CLINT1: variants seen among roughly 807,000 people sequenced by gnomAD.
CLINT1 encodes the protein clathrin interacting protein localized in the trans-Golgi region.
CLINT1 carries 15 observed loss-of-function variants against 70.4 expected under a neutral mutation model. The ratio of observed to expected loss-of-function variants is 0.21; its 90% CI spans 0.14 to 0.33. The LOEUF (loss-of-function observed/expected upper bound fraction) is 0.33, where lower values mean the gene tolerates loss of function less well. CLINT1 is among the 10% of genes least tolerant of loss of function. The pLI, the probability that CLINT1 is intolerant of heterozygous loss-of-function variation, is 1.00. For synonymous variants in CLINT1, 227 were observed against 254.7 expected (o/e 0.89, Z 1.04); for missense variants, 615 against 778.1 (o/e 0.79, Z 2.49).
At chr5:157,806,167 G>C in intron 6 of CLINT1, 55 bp from the exon 7 acceptor site, 1 of 1,558,586 alleles carries the variant, frequency 6.4e-7, no homozygotes, top group Non-Finnish European at 8.7e-7. Context: ...TTTAAAATGG[G>C]TCCCTCAGTG....
intron 1 of CLINT1, among the ~76,000 whole-genome samples, chr5:157,829,437 AAAATGTTT>A (rs1763149143): frequency 6.6e-6 from 1 of 152,338 alleles, no homozygotes; most frequent in African/African-American, 2.4e-5. Context: ...GAAGGTCTGA[AAAATGTTT>A]AAACAAGGGC....
chr5:157,787,811 C>T lies in CLINT1; in HGVS notation c.1713G>A (p.Met571Ile). 6.2e-7 allele frequency: 1 copy of T among 1,613,974 alleles called. No individual in the cohort carries two copies. Among genetic ancestry groups the T allele is most frequent in the South Asian group, 1.1e-5 (1 of 91,082 alleles). Reference sequence around the variant, plus strand: ...TCATGCCCATCATGCTCTGGTTCATCATCGGAGTATTTCCAAGAGGGGCCA... The same window carrying T: ...TCATGCCCATCATGCTCTGGTTCATTATCGGAGTATTTCCAAGAGGGGCCA... ...MGMAPLGNTP[M>I]MNQSMMGMNM... Residue 571 changes from methionine (M) to isoleucine (I), a missense_variant, in exon 12 of 12, where the codon ATG becomes ATA. Transcript: ENST00000411809.
chr5:157,849,768 A>G (rs1294645052), intron 1 of CLINT1, among the ~76,000 whole-genome samples: 1 of 152,232 alleles, frequency 6.6e-6, no homozygotes, highest in East Asian at 1.9e-4. Context: ...CAAATGCTCA[A>G]TAACTATTAG....
Position 157,837,954 on chromosome 5 carries a change from G to A in CLINT1, c.42-20407C>T, listed in dbSNP as rs868760632. Among the ~76,000 whole-genome samples, 12 of 151,970 alleles carry A rather than the reference G, an allele frequency of 7.9e-5. 1 individual carries two copies. The South Asian group carries it at 1.5e-3, about 18-fold the overall frequency. ...AATCCCAGCCATCGCACAAGCCACCGTGCCCAGCCAAGATCTTTTACTCTT... is the reference window on the plus strand; with the variant it reads ...AATCCCAGCCATCGCACAAGCCACCATGCCCAGCCAAGATCTTTTACTCTT... On this transcript the variant is annotated intron_variant, in intron 1 of 11. Coordinates refer to ENST00000411809, the MANE Select transcript of CLINT1 (RefSeq NM_014666.4).
chr5:157,847,860 C>T (rs532915116), intron 1 of CLINT1, among the ~76,000 whole-genome samples: 24 of 152,184 alleles, frequency 1.6e-4, no homozygotes, highest in African/African-American at 5.1e-4. Flanking sequence ...TTGCCCAGGC[C>T]GGAGTACAGT....
chr5:157,809,904 AT>A (rs1274093921), intron 5 of CLINT1, 99 bp from the exon 6 acceptor site: 1 of 1,213,172 alleles, frequency 8.2e-7, no homozygotes, highest in Non-Finnish European at 1.1e-6. Context: ...TAATAAAATC[AT>A]TTTCAAAGGA....
chr5:157,789,251 T>C, intron 11 of CLINT1, 112 bp downstream of exon 11: 4 of 925,100 alleles, frequency 4.3e-6, no homozygotes, highest in Non-Finnish European at 5.2e-6. Flanking sequence ...AGGCATTTGG[T>C]TAACTGTTAC....
At chr5:157,811,068 CAAT>C (rs1477772618) in intron 5 of CLINT1, among the ~76,000 whole-genome samples, 1 of 152,054 alleles carries the variant, frequency 6.6e-6, no homozygotes, top group East Asian at 1.9e-4. Context: ...GATTTTCCAA[CAAT>C]GTGTATGTAC....
chr5:157,786,668 A>G lies in CLINT1; in HGVS notation c.*978T>C, dbSNP rs1761736186. The G allele has an allele frequency of 6.6e-6, 1 of 152,636 alleles. No individual in the cohort carries two copies. The highest frequency in any genetic ancestry group is 1.5e-5 in the Non-Finnish European group (1 of 68,018). 9.5% of individuals were successfully genotyped at this position (152,636 alleles called of 1,614,324 possible). A position where few individuals can be genotyped will look rare whatever the true frequency, so the allele number is the denominator to read the frequency against. On this transcript the variant is annotated 3_prime_UTR_variant, in exon 12 of 12. Coordinates refer to ENST00000411809, the MANE Select transcript of CLINT1 (RefSeq NM_014666.4). ...GCTGCATTATATACACTCAAAACCA[A>G]AACAAAACAAATACTGTATAAAATC...
intron 1 of CLINT1, among the ~76,000 whole-genome samples, chr5:157,820,094 T>A (rs377632650): frequency 1.2e-4 from 19 of 152,174 alleles, no homozygotes; most frequent in African/African-American, 4.6e-4. Flanking sequence ...CAGGAGGATA[T>A]GGCAAACATA....
chr5:157,847,459 C>T (rs879633878), intron 1 of CLINT1, among the ~76,000 whole-genome samples: 5 of 151,504 alleles, frequency 3.3e-5, no homozygotes, highest in Non-Finnish European at 7.4e-5. Context: ...TGCAGTGAGC[C>T]GAGATCGTGC....
chr5:157,853,777 C>CAAAAAAAAAAAA (rs11316474), intron 1 of CLINT1, among the ~76,000 whole-genome samples: 1 of 48,022 alleles, frequency 2.1e-5, no homozygotes, highest in Admixed American at 3.4e-4. Flanking sequence ...GACACCATCT[C>CAAAAAAAAAAAA]AAAAAAAAAA....
intron 3 of CLINT1, among the ~76,000 whole-genome samples, chr5:157,815,755 T>C (rs1762701697): frequency 6.6e-6 from 1 of 152,248 alleles, no homozygotes; most frequent in South Asian, 2.1e-4. Flanking sequence ...ACTGACAATC[T>C]ATAAGACAAC....
chr5:157,809,880 C>A, intron 5 of CLINT1, 75 bp from the exon 6 acceptor site: 1 of 1,363,206 alleles, frequency 7.3e-7, no homozygotes, highest in Non-Finnish European at 1.0e-6. Flanking sequence ...CCTTATTTCT[C>A]AGGCTTTTCC....
intron 6 of CLINT1, 143 bp from the exon 7 acceptor site, chr5:157,806,255 T>C (rs1205697147): frequency 2.6e-6 from 2 of 779,682 alleles, no homozygotes; most frequent in Non-Finnish European, 4.0e-6. Context: ...AACAGAATGT[T>C]ATCTAAGCTG....
At chr5:157,790,371 T>C (rs1338538542) in intron 10 of CLINT1, 7 of 266,294 alleles carry the variant, frequency 2.6e-5, no homozygotes, top group Admixed American at 5.1e-5. Flanking sequence ...GATTAATATA[T>C]GGAACAATGT....
At chr5:157,824,580 T>G (rs753077970) in intron 1 of CLINT1, among the ~76,000 whole-genome samples, 4 of 152,184 alleles carry the variant, frequency 2.6e-5, no homozygotes, top group Non-Finnish European at 5.9e-5. Flanking sequence ...CATAGCGCAG[T>G]AGAAGAGATA....
rs528624439 is a variant in CLINT1 at position 157,840,114 on chromosome 5, G to C, written c.41+18816C>G. Among the ~76,000 whole-genome samples the C allele has an allele frequency of 1.1e-3, 150 of 136,358 alleles. 1 individual carries two copies. The highest frequency in any genetic ancestry group is 4.1e-3 in the African/African-American group (148 of 36,140). The allele number at this position is 136,358 out of a possible 152,430, so 89.5% of individuals were successfully genotyped here. A position where few individuals can be genotyped will look rare whatever the true frequency, so the allele number is the denominator to read the frequency against. On this transcript the variant is annotated intron_variant, in intron 1 of 11. Coordinates refer to ENST00000411809, the MANE Select transcript of CLINT1 (RefSeq NM_014666.4). ...GGAGGTTAAGGCAGGAGAATAGCTT[G>C]AACCCACAAGGCAGAGGTTGCAGTA...
intron 1 of CLINT1, among the ~76,000 whole-genome samples, chr5:157,854,533 CAAAAATA>C (rs746504449): frequency 4.6e-5 from 7 of 151,894 alleles, no homozygotes; most frequent in Non-Finnish European, 7.4e-5. Flanking sequence ...GACCCTGTCT[CAAAAATA>C]AAAAATAAAA....
Sources: allele counts gnomAD v4.1 joint callset (sites outside exome capture counted in the v4.1 genomes callset), GRCh38; gene constraint gnomAD v4.1.1; transcripts MANE v1.5; gene names NCBI Gene and HGNC (gene_info 2026-07-23, HGNC 2026-07-21).